The following CTNNA3 variants were observed in gnomAD, a reference collection of about 807,000 sequenced individuals.
The protein encoded by CTNNA3 is catenin alpha-3.
CTNNA3 carries 76 observed loss-of-function variants against 95.7 expected under a neutral mutation model. The ratio of observed to expected loss-of-function variants is 0.79; its 90% CI spans 0.66 to 0.96. The LOEUF (loss-of-function observed/expected upper bound fraction) is 0.96. Ranked by LOEUF, CTNNA3 falls within the 40% of genes least tolerant of loss-of-function variation. CTNNA3 has a pLI of 0.00. For synonymous variants in CTNNA3, 431 were observed against 374.4 expected (o/e 1.15, Z -1.74); for missense variants, 1,191 against 1,089.8 (o/e 1.09, Z -1.31).
chr10:67,277,658 A>G (rs1386315997), intron 5 of CTNNA3, among the ~76,000 whole-genome samples: 1 of 152,132 alleles, frequency 6.6e-6, no homozygotes, highest in East Asian at 1.9e-4. Context: ...GATAAAACAG[A>G]TTGGGGTAAA....
At chr10:67,582,752 G>A (rs1022994155) in intron 3 of CTNNA3, among the ~76,000 whole-genome samples, 2 of 152,068 alleles carry the variant, frequency 1.3e-5, no homozygotes, top group Admixed American at 1.3e-4. Flanking sequence ...CCTGTATTTG[G>A]TGCATGTATA....
intron 13 of CTNNA3, 37 bp downstream of exon 13, chr10:66,280,433 C>A: frequency 1.3e-6 from 2 of 1,572,826 alleles, no homozygotes; most frequent in Non-Finnish European, 1.7e-6. Context: ...TGGTGAAGAA[C>A]ATTGCAATAA....
At chr10:65,972,908 A>AGGG (rs1489384669) in intron 16 of CTNNA3, among the ~76,000 whole-genome samples, 17 of 144,040 alleles carry the variant, frequency 1.2e-4, no homozygotes, top group African/African-American at 3.6e-4. Flanking sequence ...AAGGGGGAAA[A>AGGG]AAAAAAAAAA....
intron 7 of CTNNA3, among the ~76,000 whole-genome samples, chr10:66,973,723 A>C (rs11814454): frequency 0.23 from 35,239 of 152,020 alleles, 4,630 homozygotes; most frequent in Non-Finnish European, 0.31. Context: ...TCCCAGGTTC[A>C]AGTGATTCTC....
At chr10:67,524,370 C>T (rs886503020) in intron 4 of CTNNA3, among the ~76,000 whole-genome samples, 2 of 142,206 alleles carry the variant, frequency 1.4e-5, no homozygotes, top group African/African-American at 5.4e-5. Context: ...TGCACTCCAG[C>T]CTGGGCGACA....
chr10:66,517,039 A>G (rs769798784), intron 11 of CTNNA3, among the ~76,000 whole-genome samples: 3 of 152,030 alleles, frequency 2.0e-5, no homozygotes, highest in Non-Finnish European at 4.4e-5. Context: ...TGGCCAATAC[A>G]GTGAAACTCC....
chr10:66,423,801 A>G (rs1342751131), intron 11 of CTNNA3, among the ~76,000 whole-genome samples: 1 of 152,216 alleles, frequency 6.6e-6, no homozygotes, highest in African/African-American at 2.4e-5. Context: ...AGCCCCTCTC[A>G]GGTTTATTCT....
intron 3 of CTNNA3, among the ~76,000 whole-genome samples, chr10:67,598,586 C>T (rs1842992545): frequency 6.6e-6 from 1 of 152,022 alleles, no homozygotes. Flanking sequence ...ATCTTGGCTC[C>T]TCCCAAAACA....
At chr10:66,583,064 A>G (rs1252803591) in intron 10 of CTNNA3, among the ~76,000 whole-genome samples, 1 of 151,726 alleles carries the variant, frequency 6.6e-6, no homozygotes, top group Non-Finnish European at 1.5e-5. Flanking sequence ...GCATTTTTGC[A>G]TCTATATTCA....
chr10:66,952,713 A>G (rs1447927364), intron 7 of CTNNA3, among the ~76,000 whole-genome samples: 1 of 152,020 alleles, frequency 6.6e-6, no homozygotes. Flanking sequence ...CTGACTTGCA[A>G]TTATTATCAA....
chr10:66,476,032 A>G (rs968833581), intron 11 of CTNNA3, among the ~76,000 whole-genome samples: 3 of 152,176 alleles, frequency 2.0e-5, no homozygotes, highest in Admixed American at 6.6e-5. Context: ...CTATGCAGCA[A>G]TACAAAGGAA....
At chr10:66,315,024 A>G (rs745845960) in intron 12 of CTNNA3, among the ~76,000 whole-genome samples, 1 of 152,088 alleles carries the variant, frequency 6.6e-6, no homozygotes, top group Non-Finnish European at 1.5e-5. Context: ...TTCATCTCCA[A>G]GAAGATATGG....
intron 15 of CTNNA3, among the ~76,000 whole-genome samples, chr10:66,038,784 A>T (rs1589279066): frequency 6.6e-6 from 1 of 152,332 alleles, no homozygotes; most frequent in African/African-American, 2.4e-5. Context: ...CACAGCCAAC[A>T]TCATAATGAA....
At chr10:67,151,113 AT>A (rs142815997) in intron 7 of CTNNA3, among the ~76,000 whole-genome samples, 7 of 152,154 alleles carry the variant, frequency 4.6e-5, no homozygotes, top group African/African-American at 1.4e-4. Flanking sequence ...TACTTTAAAA[AT>A]TTTTTTTCAA....
chr10:67,242,324 C>T (rs1032001989), intron 5 of CTNNA3, among the ~76,000 whole-genome samples: 1 of 152,126 alleles, frequency 6.6e-6, no homozygotes, highest in African/African-American at 2.4e-5. Context: ...TTCAATCTAA[C>T]TTTGATAAAG....
intron 10 of CTNNA3, among the ~76,000 whole-genome samples, chr10:66,620,581 G>A (rs1183233163): frequency 6.6e-6 from 1 of 152,152 alleles, no homozygotes; most frequent in Non-Finnish European, 1.5e-5. Context: ...CACTTAAAGA[G>A]TGTTGATGGG....
rs148488191 is a variant in CTNNA3 at position 67,671,522 on chromosome 10, A to G, written c.-5-24004T>C. ...TATCCCTCCCCGCTCCCCCCACCCC[A>G]CAACAGTCCCTGAAGTGTGATATTC... On this transcript the variant is annotated intron_variant, in intron 1 of 17. Coordinates refer to ENST00000433211, the MANE Select transcript of CTNNA3 (RefSeq NM_013266.4). Among the ~76,000 whole-genome samples, 527 of 138,092 alleles carry G rather than the reference A, an allele frequency of 3.8e-3. 12 individuals carry two copies. The highest frequency in any genetic ancestry group is 0.015 in the African/African-American group (494 of 32,234). The allele number at this position is 138,092 out of a possible 152,430, so 90.6% of individuals were successfully genotyped here. A position where few individuals can be genotyped will look rare whatever the true frequency, so the allele number is the denominator to read the frequency against.
intron 1 of CTNNA3, among the ~76,000 whole-genome samples, chr10:67,731,761 C>T (rs1300350809): frequency 6.7e-6 from 1 of 149,370 alleles, no homozygotes; most frequent in Non-Finnish European, 1.5e-5. Flanking sequence ...GCGATTATGC[C>T]ACTGCACTCC....
chr10:66,651,511 G>C (rs527770478), intron 9 of CTNNA3, among the ~76,000 whole-genome samples: 167 of 152,234 alleles, frequency 1.1e-3, no homozygotes, highest in Non-Finnish European at 2.0e-3. Context: ...CGCAGAGAAG[G>C]GGGCAGCGCC....
Sources: gnomAD v4.1 joint callset for allele counts (sites outside exome capture counted in the v4.1 genomes callset) on GRCh38, gnomAD v4.1.1 for gene constraint, MANE v1.5 for transcripts, NCBI Gene and HGNC (gene_info 2026-07-23, HGNC 2026-07-21) for gene names.